The following PCDHA4 variants were observed in gnomAD, a reference collection of about 807,000 sequenced individuals.
The protein encoded by PCDHA4 is protocadherin alpha-4.
Under a neutral mutation model 61.4 loss-of-function variants are expected in PCDHA4, and 49 were observed. The observed-to-expected ratio is 0.80, with a 90% CI of 0.63 to 1.01. The LOEUF (loss-of-function observed/expected upper bound fraction) is 1.01. Among genes scored for constraint, PCDHA4 ranks in the 50% least tolerant of loss-of-function variants. The pLI is 0.00. For missense variants in PCDHA4, 1,254 were observed against 1,235.8 expected (o/e 1.01, Z -0.22); for synonymous variants, 590 against 550.3 (o/e 1.07, Z -1.01).
At chr5:140,921,695 A>G (rs1190217757) in intron 1 of PCDHA4, among the ~76,000 whole-genome samples, 1 of 152,216 alleles carries the variant, frequency 6.6e-6, no homozygotes, top group Admixed American at 6.5e-5. Context: ...GGCCACCTCA[A>G]TTTTAAACAG....
chr5:140,843,470 C>T (rs2150360769), intron 1 of PCDHA4: 2 of 1,596,070 alleles, frequency 1.3e-6, no homozygotes, highest in South Asian at 2.2e-5. Flanking sequence ...CACGCTGCTG[C>T]TGTACACTGC....
At chr5:140,940,199 A>G (rs1253658459) in intron 1 of PCDHA4, among the ~76,000 whole-genome samples, 2 of 152,136 alleles carry the variant, frequency 1.3e-5, no homozygotes, top group Non-Finnish European at 2.9e-5. Flanking sequence ...CATGGGTGTA[A>G]AATTCAAGAT....
At chr5:140,873,454 T>C (rs1251903132) in intron 1 of PCDHA4, among the ~76,000 whole-genome samples, 1 of 152,170 alleles carries the variant, frequency 6.6e-6, no homozygotes, top group African/African-American at 2.4e-5. Context: ...CAAATTTGCA[T>C]TTTAGATAAT....
At position 140,808,632 on chromosome 5, in the gene PCDHA4, C is replaced by T; in HGVS notation, c.1445C>T (p.Ala482Val). 9.3e-6 allele frequency: 15 copies of T among 1,613,592 alleles called. No individual in the cohort carries two copies. The South Asian group carries it at 1.1e-4, about 12-fold the overall frequency. The change falls in exon 1 of 4, where the codon GCG becomes GTG. Residue 482 changes from alanine to valine, a missense_variant. Transcript: ENST00000530339. ...CHIFTVSAWD[A>V]DAQENALVSY... ...ATCTTCACTGTGTCTGCGTGGGACG[C>T]GGACGCGCAGGAGAACGCGCTGGTG...
Position 140,883,460 on chromosome 5 carries a change from G to C in PCDHA4, c.2385+73888G>C, listed in dbSNP as rs1554178305. 4 of 1,614,138 alleles carry C rather than the reference G, an allele frequency of 2.5e-6. No individual in the cohort carries two copies. The African/African-American group carries it at 5.3e-5, about 22-fold the overall frequency. On this transcript the variant is annotated intron_variant, in intron 1 of 3. Transcript: ENST00000530339. Reference sequence around the variant, plus strand: ...GACGCCGCATGTCCCCTTCAAGCTGGTGTCCACCTACAAGAACTACTACTC... The same window carrying C: ...GACGCCGCATGTCCCCTTCAAGCTGCTGTCCACCTACAAGAACTACTACTC...
intron 1 of PCDHA4, chr5:140,870,294 G>A (rs1554164013): frequency 3.1e-6 from 5 of 1,614,192 alleles, no homozygotes; most frequent in Non-Finnish European, 3.4e-6. Flanking sequence ...TCAAGCTGGT[G>A]TCCACCTTCA....
At chr5:141,004,100 ATCT>A (rs1241437793) in intron 3 of PCDHA4, among the ~76,000 whole-genome samples, 4 of 152,204 alleles carry the variant, frequency 2.6e-5, no homozygotes, top group Non-Finnish European at 5.9e-5. Context: ...TTCCGTTTTC[ATCT>A]TCTTCAAAAG....
chr5:140,918,238 T>A (rs1486197237), intron 1 of PCDHA4, among the ~76,000 whole-genome samples: 3 of 152,176 alleles, frequency 2.0e-5, no homozygotes, highest in African/African-American at 7.2e-5. Context: ...GTACATTGAT[T>A]TTGTATGCTG....
intron 1 of PCDHA4, chr5:140,857,730 C>T (rs782671299): frequency 6.3e-7 from 1 of 1,597,474 alleles, no homozygotes. Context: ...AACGACAACG[C>T]TCCCGCGCTG....
intron 1 of PCDHA4, among the ~76,000 whole-genome samples, chr5:140,908,920 C>A (rs782461394): frequency 6.6e-5 from 10 of 152,180 alleles, no homozygotes; most frequent in Admixed American, 1.3e-4. Flanking sequence ...GTAGGAGGGG[C>A]CAAATGCAGC....
chr5:140,822,774 T>C (rs2150119288), intron 1 of PCDHA4: 2 of 1,614,014 alleles, frequency 1.2e-6, no homozygotes, highest in Non-Finnish European at 1.7e-6. Context: ...CAGGACACTG[T>C]AAAGTAGTAG....
chr5:140,843,424 C>A (rs1266105482), intron 1 of PCDHA4: 2 of 1,596,008 alleles, frequency 1.3e-6, no homozygotes, highest in Non-Finnish European at 1.7e-6. Flanking sequence ...TGTACCTGAT[C>A]ATCGCCATCT....
chr5:140,809,488 C>T lies in PCDHA4; in HGVS notation c.2301C>T (p.Thr767=). The T allele has an allele frequency of 1.2e-6, 2 of 1,614,218 alleles. No individual in the cohort carries two copies. Among genetic ancestry groups the T allele is most frequent in the Middle Eastern group, 1.6e-4 (1 of 6,062 alleles). Residue 767 remains threonine (T), a synonymous_variant, in exon 1 of 4, where the codon ACC becomes ACT. Coordinates refer to ENST00000530339, the MANE Select transcript of PCDHA4 (RefSeq NM_018907.4). ...GCTCTGGTGAGGGCCCACCCAAGAC[C>T]GACCTCATGGCCTTCAGCCCCAGTT... is the stretch of plus-strand genomic sequence containing the variant. The part of the protein sequence containing the change: ...RVCSGEGPPK[T]DLMAFSPSLP...
In PCDHA4 at chr5:140,855,001, ATAT is replaced by A. The variant is rs1304130287; in HGVS notation, c.2385+45433_2385+45435del. On this transcript the variant is annotated intron_variant, in intron 1 of 3. Transcript: ENST00000530339. Reference sequence around the variant, plus strand: ...TTAAGATTCTTTTTGCCCGTGTAAGATATTATAAAATGAAACTTCTTGTATAAA... The same window carrying A: ...TTAAGATTCTTTTTGCCCGTGTAAGATATAAAATGAAACTTCTTGTATAAA... Among the ~76,000 whole-genome samples the A allele has an allele frequency of 2.0e-5, 3 of 149,948 alleles. 1 individual carries two copies. The highest frequency in any genetic ancestry group is 4.5e-5 in the Non-Finnish European group (3 of 67,104).
intron 3 of PCDHA4, among the ~76,000 whole-genome samples, chr5:140,991,929 C>T (rs1250639930): frequency 1.3e-5 from 2 of 152,088 alleles, no homozygotes; most frequent in South Asian, 2.1e-4. Flanking sequence ...ATAACATATT[C>T]ACAAGTTCTA....
chr5:140,822,660 T>A (rs2150118330), intron 1 of PCDHA4: 5 of 1,609,192 alleles, frequency 3.1e-6, no homozygotes, highest in Non-Finnish European at 3.4e-6. Context: ...TTATAATTAA[T>A]TCTAATACTG....
intron 1 of PCDHA4, among the ~76,000 whole-genome samples, chr5:140,820,934 T>C (rs1766861378): frequency 6.6e-6 from 1 of 152,076 alleles, no homozygotes; most frequent in Non-Finnish European, 1.5e-5. Flanking sequence ...TCTAGAAAGC[T>C]GAAATATCCC....
At chr5:140,836,668 A>T in intron 1 of PCDHA4, 1 of 1,613,338 alleles carries the variant, frequency 6.2e-7, no homozygotes, top group Non-Finnish European at 8.5e-7. Context: ...TGCTCTGGGG[A>T]GGGCCCACCC....
At chr5:140,967,718 C>G (rs959323631) in intron 1 of PCDHA4, 1 of 1,613,988 alleles carries the variant, frequency 6.2e-7, no homozygotes, top group Non-Finnish European at 8.5e-7. Flanking sequence ...CGGGGAAGTG[C>G]GAGTAATTGG....
Sources: gnomAD v4.1 joint callset for allele counts (sites outside exome capture counted in the v4.1 genomes callset) on GRCh38, gnomAD v4.1.1 for gene constraint, MANE v1.5 for transcripts, NCBI Gene and HGNC (gene_info 2026-07-23, HGNC 2026-07-21) for gene names.